Variants in GABRB1 observed in about 807,000 individuals in gnomAD.
The protein encoded by GABRB1 is gamma-aminobutyric acid receptor subunit beta-1.
A neutral mutation model predicts 51.6 loss-of-function variants in GABRB1; 17 were observed. The observed-to-expected ratio is 0.33, with a 90% confidence interval of 0.23 to 0.49. The LOEUF (loss-of-function observed/expected upper bound fraction) is 0.49. Ranked by LOEUF, GABRB1 falls within the 20% of genes least tolerant of loss-of-function variation. The pLI is 0.99. For missense variants in GABRB1, 410 were observed against 600.6 expected (o/e 0.68, Z 3.32); for synonymous variants, 247 against 218.9 (o/e 1.13, Z -1.14).
chr4:47,355,333 T>G (rs956141259), intron 5 of GABRB1, among the ~76,000 whole-genome samples: 1 of 152,094 alleles, frequency 6.6e-6, no homozygotes, highest in African/African-American at 2.4e-5. Flanking sequence ...TTAATTATAC[T>G]TTAAGTTCTA....
At chr4:47,052,357 G>A (rs1402417939) in intron 3 of GABRB1, among the ~76,000 whole-genome samples, 1 of 152,178 alleles carries the variant, frequency 6.6e-6, no homozygotes, top group African/African-American at 2.4e-5. Context: ...CTGATTTCCT[G>A]TAGGATCTCC....
At chr4:47,230,105 G>T (rs2109834551) in intron 4 of GABRB1, among the ~76,000 whole-genome samples, 1 of 152,218 alleles carries the variant, frequency 6.6e-6, no homozygotes, top group African/African-American at 2.4e-5. Flanking sequence ...ATATACTTCT[G>T]ATTGCTATAA....
intron 3 of GABRB1, among the ~76,000 whole-genome samples, chr4:47,064,980 C>T (rs147410120): frequency 6.6e-6 from 1 of 152,182 alleles, no homozygotes; most frequent in African/African-American, 2.4e-5. Context: ...GTTTTGGCCT[C>T]TCTAGAAGCC....
At chr4:47,137,027 G>T (rs115209151) in intron 3 of GABRB1, among the ~76,000 whole-genome samples, 2,062 of 152,146 alleles carry the variant, frequency 0.014, 26 homozygotes, top group Middle Eastern at 0.034. Context: ...TGACTTTGCC[G>T]ATATGAAAAT....
chr4:47,253,698 A>G (rs1352544825), intron 4 of GABRB1, among the ~76,000 whole-genome samples: 1 of 152,234 alleles, frequency 6.6e-6, no homozygotes, highest in Non-Finnish European at 1.5e-5. Context: ...TAAGATAATT[A>G]AATAAAACAT....
intron 3 of GABRB1, among the ~76,000 whole-genome samples, chr4:47,056,404 T>C (rs1257586056): frequency 2.6e-5 from 4 of 152,196 alleles, no homozygotes; most frequent in Non-Finnish European, 5.9e-5. Context: ...TTCCCAACCT[T>C]TCATACCAAG....
chr4:47,089,113 C>T (rs1368390364), intron 3 of GABRB1, among the ~76,000 whole-genome samples: 1 of 152,134 alleles, frequency 6.6e-6, no homozygotes, highest in Non-Finnish European at 1.5e-5. Context: ...GTTTGCTTGT[C>T]ATTACAATGA....
rs1409971412 is a variant in GABRB1, at chr4:47,426,329, TC to T, written c.*314del. 3.0e-5 allele frequency: 6 copies of T among 200,080 alleles called. No individual in the cohort carries two copies. The Admixed American group carries it at 3.6e-4, about 12-fold the overall frequency. The allele number at this position is 200,080 out of a possible 1,614,324, so 12.4% of individuals were successfully genotyped here. On this transcript the variant is annotated 3_prime_UTR_variant, in exon 9 of 9. Transcript: ENST00000295454. ...AGATCTTTAGCAGTCTTTTCTAGTTTCCCTGGATTTCACTGATTTATTTTTT... is the reference window on the plus strand; with the variant it reads ...AGATCTTTAGCAGTCTTTTCTAGTTTCCTGGATTTCACTGATTTATTTTTT...
intron 5 of GABRB1, among the ~76,000 whole-genome samples, chr4:47,331,779 C>A (rs1409642968): frequency 1.3e-5 from 2 of 152,094 alleles, no homozygotes; most frequent in African/African-American, 4.8e-5. Flanking sequence ...ATGGGCCAGG[C>A]ACTTTATAAA....
At chr4:47,169,080 C>A (rs1483840235) in intron 4 of GABRB1, among the ~76,000 whole-genome samples, 3 of 152,140 alleles carry the variant, frequency 2.0e-5, no homozygotes, top group African/African-American at 7.2e-5. Context: ...AGGTCATATT[C>A]TAAGTCACGG....
Position 47,406,833 on chromosome 4 carries a change from C to A in GABRB1, c.987C>A (p.Tyr329Ter). ...LALLEYAFVN[Y>*]IFFGKGPQKK... The stretch of plus-strand genomic sequence containing the variant: ...TGCTGGAGTATGCCTTTGTAAATTA[C>A]ATCTTCTTTGGGAAAGGCCCTCAGA... The change falls in exon 8 of 9, where the codon TAC becomes TAA. Residue 329 changes from tyrosine (Y) to a stop codon, truncating the protein, a stop_gained. Transcript: ENST00000295454. LOFTEE classifies it high-confidence loss of function. The A allele has an allele frequency of 6.2e-7, 1 of 1,614,140 alleles. No homozygotes were observed. The highest frequency in any genetic ancestry group is 8.5e-7 in the Non-Finnish European group (1 of 1,180,020).
intron 5 of GABRB1, among the ~76,000 whole-genome samples, chr4:47,369,572 T>C (rs7677890): frequency 0.53 from 80,152 of 151,934 alleles, 21,641 homozygotes; most frequent in African/African-American, 0.58. Context: ...TCTATCCATA[T>C]CCTCATCTAA....
At chr4:47,383,162 C>A (rs1727652913) in intron 5 of GABRB1, among the ~76,000 whole-genome samples, 1 of 152,180 alleles carries the variant, frequency 6.6e-6, no homozygotes, top group Non-Finnish European at 1.5e-5. Context: ...AAGCACATAG[C>A]CTCCTAGTTG....
At chr4:47,130,064 C>T (rs544289265) in intron 3 of GABRB1, among the ~76,000 whole-genome samples, 6 of 152,240 alleles carry the variant, frequency 3.9e-5, no homozygotes, top group South Asian at 2.1e-4. Flanking sequence ...TCCTCCATTG[C>T]GTGGATGATT....
intron 4 of GABRB1, among the ~76,000 whole-genome samples, chr4:47,203,366 T>C (rs1162691043): frequency 6.9e-6 from 1 of 143,936 alleles, no homozygotes; most frequent in Non-Finnish European, 1.5e-5. Flanking sequence ...TCAAATGCCA[T>C]TAACTGCTGC....
chr4:47,425,677 G>A lies in GABRB1; in HGVS notation c.1084G>A (p.Asp362Asn), dbSNP rs778079486. 1.3e-6 allele frequency: 2 copies of A among 1,592,164 alleles called. No homozygotes were observed. The highest frequency in any genetic ancestry group is 1.3e-5 in the African/African-American group (1 of 74,308). The stretch of plus-strand genomic sequence containing the variant: ...AGCCTGTTCTTTTTGCCATCAGGTC[G>A]ACGCCCACGGTAACATTCTCCTCAG... Reference protein sequence around the residue: ...NKLEMNKVQVDAHGNILLSTL... With the variant: ...NKLEMNKVQVNAHGNILLSTL... Residue 362 changes from aspartate (D) to asparagine (N), a missense_variant, in exon 9 of 9, where the codon GAC (aspartate) becomes AAC (asparagine). Physicochemically the swap from Asp to Asn is conservative, Grantham distance 23 (BLOSUM62 1). Around this residue, in one of 5 missense-constraint regions of GABRB1, gnomAD observed 181 missense variants for 195.6 expected, o/e 0.93. Transcript: ENST00000295454.
chr4:47,316,328 G>A (rs1724887859), intron 4 of GABRB1, among the ~76,000 whole-genome samples: 1 of 151,764 alleles, frequency 6.6e-6, no homozygotes, highest in African/African-American at 2.4e-5. Flanking sequence ...ATTAGAACAT[G>A]CAATATTAGT....
chr4:47,189,171 CA>C (rs949283432), intron 4 of GABRB1, among the ~76,000 whole-genome samples: 127 of 151,792 alleles, frequency 8.4e-4, no homozygotes, highest in African/African-American at 2.9e-3. Flanking sequence ...AAAAAGTTAC[CA>C]AAAATAGAAG....
chr4:47,138,577 T>C (rs1716777805), intron 3 of GABRB1, among the ~76,000 whole-genome samples: 1 of 152,052 alleles, frequency 6.6e-6, no homozygotes, highest in African/African-American at 2.4e-5. Flanking sequence ...CTTCTGCGGA[T>C]TGTTGCCACA....
Sources: gnomAD v4.1 joint callset for allele counts (sites outside exome capture counted in the v4.1 genomes callset) on GRCh38, gnomAD v4.1.1 for gene constraint, gnomAD v4.1.1 regional missense constraint, MANE v1.5 for transcripts, NCBI Gene and HGNC (gene_info 2026-07-23, HGNC 2026-07-21) for gene names.